The following CEP55 variants were observed in gnomAD, a reference collection of about 807,000 sequenced individuals.
CEP55 encodes centrosomal protein of 55 kDa.
A neutral mutation model predicts 63.2 loss-of-function variants in CEP55; 57 were observed. The observed-to-expected ratio is 0.90, with a 90% CI of 0.73 to 1.13. The LOEUF (loss-of-function observed/expected upper bound fraction) is 1.13. CEP55 is among the 50% of genes most tolerant of loss of function. The pLI, the probability that CEP55 is intolerant of heterozygous loss-of-function variation, is 0.00. For missense variants in CEP55, 456 were observed against 518.9 expected, an observed-to-expected ratio of 0.88 and a Z score of 1.18; for synonymous variants, 178 against 191.6, an observed-to-expected ratio of 0.93 and a Z score of 0.59.
At position 93,519,671 on chromosome 10, in the gene CEP55, G is replaced by A. The variant is rs2134489717; in HGVS notation, c.1066-11G>A. ...ATCAGCTGTAATGGTCTTGTTCTGGGCCTTTTCCAGATGCAGGCATGTACT... is the reference window on the plus strand; with the variant it reads ...ATCAGCTGTAATGGTCTTGTTCTGGACCTTTTCCAGATGCAGGCATGTACT... On this transcript the variant is annotated splice_polypyrimidine_tract_variant and intron_variant, in intron 7 of 8. Coordinates refer to ENST00000371485, the MANE Select transcript of CEP55 (RefSeq NM_018131.5). 6.2e-7 allele frequency: 1 copy of A among 1,613,942 alleles called. No individual in the cohort carries two copies. Among genetic ancestry groups the A allele is most frequent in the Non-Finnish European group, 8.5e-7 (1 of 1,179,980 alleles).
intron 4 of CEP55, among the ~76,000 whole-genome samples, chr10:93,514,620 T>C (rs1213047961): frequency 6.6e-6 from 1 of 152,210 alleles, no homozygotes; most frequent in South Asian, 2.1e-4. Context: ...AGAGTCCTCG[T>C]TGGGCAGCAA....
rs1020821418 is a variant in CEP55 at position 93,528,787 on chromosome 10, G to A, written c.*634G>A. 1 of 152,222 alleles carries A rather than the reference G, an allele frequency of 6.6e-6. No homozygotes were observed. Among genetic ancestry groups the A allele is most frequent in the African/African-American group, 2.4e-5 (1 of 41,438 alleles). 9.4% of individuals were successfully genotyped at this position (152,222 alleles called of 1,614,324 possible). ...ATAATCTTAAGTGGCCACACACAAT[G>A]TTTTCTCTTATGTTATCTGGCAGTA... is the stretch of plus-strand genomic sequence containing the variant. On this transcript the variant is annotated 3_prime_UTR_variant, in exon 9 of 9. Transcript: ENST00000371485.
chr10:93,521,626 T>G (rs1379084465), intron 8 of CEP55, among the ~76,000 whole-genome samples: 3 of 152,174 alleles, frequency 2.0e-5, no homozygotes, highest in Non-Finnish European at 4.4e-5. Flanking sequence ...GCTTGAGATC[T>G]GAGAACGGAC....
chr10:93,497,847 G>A (rs1395946589), intron 1 of CEP55, among the ~76,000 whole-genome samples: 2 of 151,818 alleles, frequency 1.3e-5, no homozygotes, highest in African/African-American at 2.4e-5. Flanking sequence ...GGCCGGGCGC[G>A]GTGGTTCACG....
chr10:93,527,017 G>A (rs1197572361), intron 8 of CEP55, among the ~76,000 whole-genome samples: 1 of 151,964 alleles, frequency 6.6e-6, no homozygotes, highest in East Asian at 1.9e-4. Context: ...CACCAACATG[G>A]CACATGTATA....
chr10:93,523,095 C>A (rs890334463), intron 8 of CEP55, among the ~76,000 whole-genome samples: 1 of 152,132 alleles, frequency 6.6e-6, no homozygotes, highest in Admixed American at 6.5e-5. Context: ...ACAATATTAA[C>A]CTTAAATGTA....
chr10:93,520,045 AG>A, intron 8 of CEP55: 1 of 530,248 alleles, frequency 1.9e-6, no homozygotes, highest in Non-Finnish European at 3.4e-6. Context: ...GTGATGCTGG[AG>A]GCACTAAATA....
intron 1 of CEP55, among the ~76,000 whole-genome samples, chr10:93,497,530 T>C (rs1316815096): frequency 3.8e-4 from 58 of 151,610 alleles, no homozygotes; most frequent in Non-Finnish European, 8.8e-5. Flanking sequence ...CCTTCCAGAG[T>C]GCTGGGATTA....
At chr10:93,520,504 A>G (rs1216407685) in intron 8 of CEP55, among the ~76,000 whole-genome samples, 1 of 152,050 alleles carries the variant, frequency 6.6e-6, no homozygotes, top group African/African-American at 2.4e-5. Context: ...TGCTTTTTAG[A>G]TGTATTATGA....
intron 8 of CEP55, among the ~76,000 whole-genome samples, chr10:93,525,055 C>T (rs2057906306): frequency 6.6e-6 from 1 of 151,058 alleles, no homozygotes; most frequent in African/African-American, 2.4e-5. Context: ...TCTCTCACCA[C>T]TCCTATTCAA....
At chr10:93,512,988 T>C (rs1367727746) in intron 4 of CEP55, among the ~76,000 whole-genome samples, 1 of 152,210 alleles carries the variant, frequency 6.6e-6, no homozygotes, top group Non-Finnish European at 1.5e-5. Context: ...TGAACAATCA[T>C]ATATCTACCA....
At chr10:93,521,197 C>T (rs2057858222) in intron 8 of CEP55, among the ~76,000 whole-genome samples, 1 of 152,132 alleles carries the variant, frequency 6.6e-6, no homozygotes, top group Non-Finnish European at 1.5e-5. Context: ...CTTTTCTAGC[C>T]AAGGAAAGGG....
chr10:93,519,551 T>G, intron 7 of CEP55, 131 bp from the exon 8 acceptor site: 1 of 1,064,478 alleles, frequency 9.4e-7, no homozygotes, highest in Non-Finnish European at 1.3e-6. Flanking sequence ...TTCATGGTGC[T>G]TAGGTGAATT....
intron 4 of CEP55, among the ~76,000 whole-genome samples, chr10:93,509,957 C>G (rs1271812448): frequency 6.6e-6 from 1 of 152,156 alleles, no homozygotes; most frequent in African/African-American, 2.4e-5. Flanking sequence ...CTTTTGAGAG[C>G]TCAGCAGTTC....
intron 4 of CEP55, 87 bp downstream of exon 4, chr10:93,507,143 T>G: frequency 2.7e-6 from 2 of 734,582 alleles, no homozygotes; most frequent in Admixed American, 4.9e-5. Context: ...ATTAGTGCTG[T>G]GACAGAAAAA....
At chr10:93,527,507 G>A (rs11187495) in intron 8 of CEP55, among the ~76,000 whole-genome samples, 3,462 of 152,192 alleles carry the variant, frequency 0.023, 142 homozygotes, top group African/African-American at 0.079. Context: ...ATACTGATGA[G>A]CTGAAATTCA....
At chr10:93,513,875 C>A (rs1014360383) in intron 4 of CEP55, among the ~76,000 whole-genome samples, 9 of 151,972 alleles carry the variant, frequency 5.9e-5, no homozygotes, top group Admixed American at 4.6e-4. Flanking sequence ...GGATACTAGT[C>A]ATTGGATTTA....
intron 2 of CEP55, 50 bp downstream of exon 2, chr10:93,500,284 G>A (rs2057620151): frequency 6.9e-7 from 1 of 1,443,506 alleles, no homozygotes; most frequent in Non-Finnish European, 9.6e-7. Context: ...AGAAAGCGAT[G>A]CATGAAGATT....
intron 8 of CEP55, among the ~76,000 whole-genome samples, chr10:93,520,733 A>C (rs188052577): frequency 1.8e-4 from 28 of 152,260 alleles, no homozygotes; most frequent in African/African-American, 6.5e-4. Context: ...GAGACAGTGA[A>C]ATGTTACAAA....
Sources: gnomAD v4.1 joint callset for allele counts (sites outside exome capture counted in the v4.1 genomes callset) on GRCh38, gnomAD v4.1.1 for gene constraint, MANE v1.5 for transcripts, NCBI Gene and HGNC (gene_info 2026-07-23, HGNC 2026-07-21) for gene names.